GRIA3: variants seen among roughly 807,000 people sequenced by gnomAD.
GRIA3 encodes glutamate receptor 3.
In GRIA3, 3 loss-of-function variants were observed where a neutral mutation model predicts 63.0. That is an observed-to-expected ratio of 0.05 (90% CI 0.02 to 0.12). The LOEUF (loss-of-function observed/expected upper bound fraction) is 0.12. GRIA3 is among the 10% of genes least tolerant of loss of function. GRIA3 has a pLI of 1.00. For synonymous variants in GRIA3, 274 were observed against 257.9 expected, an observed-to-expected ratio of 1.06 and a Z score of -0.60; for missense variants, 347 against 700.9, an observed-to-expected ratio of 0.50 and a Z score of 5.70.
intron 2 of GRIA3, among the ~76,000 whole-genome samples, chrX:123,249,182 T>C (rs1294788939): frequency 8.9e-6 from 1 of 112,355 alleles, no homozygotes; most frequent in Non-Finnish European, 1.9e-5. Flanking sequence ...TGTCATAGTT[T>C]CTTTATGATA....
chrX:123,453,504 A>G (rs1369264317), intron 12 of GRIA3, among the ~76,000 whole-genome samples: 1 of 111,210 alleles, frequency 9.0e-6, no homozygotes, highest in African/African-American at 3.3e-5. Context: ...ACAAACCTGC[A>G]CGTTGTGCAC....
intron 2 of GRIA3, among the ~76,000 whole-genome samples, chrX:123,206,033 C>A (rs1411617118): frequency 9.0e-6 from 1 of 111,239 alleles, no homozygotes; most frequent in Non-Finnish European, 1.9e-5. Context: ...AGAAAGATAT[C>A]CACTATCTCA....
intron 6 of GRIA3, 89 bp downstream of exon 6, chrX:123,395,218 C>T (rs1451019584): frequency 2.4e-6 from 2 of 824,190 alleles, no homozygotes; most frequent in African/African-American, 4.0e-5. Context: ...ATCTTATGAT[C>T]AAGTGATTTT....
intron 4 of GRIA3, among the ~76,000 whole-genome samples, chrX:123,339,741 G>A (rs1603100770): frequency 8.9e-6 from 1 of 112,319 alleles, no homozygotes; most frequent in Non-Finnish European, 1.9e-5. Flanking sequence ...CAGCATGAAC[G>A]CTAGTAAGAA....
chrX:123,419,805 G>T (rs758714477), intron 11 of GRIA3, among the ~76,000 whole-genome samples: 3 of 111,382 alleles, frequency 2.7e-5, no homozygotes, highest in Non-Finnish European at 3.8e-5. Flanking sequence ...CTAGTCCTAG[G>T]CCTGCCAGGA....
At chrX:123,184,780 T>G (rs772720189) in intron 1 of GRIA3, 136 bp downstream of exon 1, 46 of 260,036 alleles carry the variant, frequency 1.8e-4, no homozygotes, top group African/African-American at 1.3e-3. Context: ...CGGGCAGAGA[T>G]GGTGCGGGGC....
intron 4 of GRIA3, among the ~76,000 whole-genome samples, chrX:123,333,210 T>C (rs1218289456): frequency 8.9e-6 from 1 of 111,841 alleles, no homozygotes. Flanking sequence ...CAATCTGAGG[T>C]CATGCCCCCA....
chrX:123,356,011 C>T (rs779491296), intron 5 of GRIA3, among the ~76,000 whole-genome samples: 1 of 111,781 alleles, frequency 8.9e-6, no homozygotes, highest in Non-Finnish European at 1.9e-5. Flanking sequence ...CTAAGTGGAG[C>T]ACTTAGTCCA....
intron 3 of GRIA3, among the ~76,000 whole-genome samples, chrX:123,294,051 C>CTAA (rs1336673249): frequency 2.9e-5 from 1 of 35,006 alleles, no homozygotes. Flanking sequence ...AGAGTCCTTG[C>CTAA]TAATAAAAAA....
chrX:123,446,973 T>A (rs2045706013), intron 12 of GRIA3, among the ~76,000 whole-genome samples: 1 of 112,568 alleles, frequency 8.9e-6, no homozygotes, highest in Non-Finnish European at 1.9e-5. Flanking sequence ...AGTTACTGTA[T>A]TTCTTTGGTA....
intron 2 of GRIA3, among the ~76,000 whole-genome samples, chrX:123,219,228 G>C (rs947355194): frequency 8.9e-6 from 1 of 112,423 alleles, no homozygotes; most frequent in Non-Finnish European, 1.9e-5. Context: ...CCCTAAGAAG[G>C]CTGTGTATTT....
At chrX:123,358,399 G>A (rs1047969626) in intron 5 of GRIA3, 1 of 112,087 alleles carries the variant, frequency 8.9e-6, no homozygotes, top group Non-Finnish European at 1.9e-5. Context: ...CATTTACATG[G>A]AACTTCCCCT....
At chrX:123,437,778 G>C (rs2045653599) in intron 12 of GRIA3, among the ~76,000 whole-genome samples, 1 of 111,576 alleles carries the variant, frequency 9.0e-6, no homozygotes, top group Non-Finnish European at 1.9e-5. Flanking sequence ...AATCACTTAT[G>C]AAATCTATAG....
chrX:123,486,668 A>G (rs2045943685), intron 15 of GRIA3, among the ~76,000 whole-genome samples: 1 of 112,075 alleles, frequency 8.9e-6, no homozygotes, highest in African/African-American at 3.2e-5. Flanking sequence ...TTAAGTGAAG[A>G]GTGAGATCTT....
chrX:123,352,323 G>A (rs1432345472), intron 4 of GRIA3, among the ~76,000 whole-genome samples: 3 of 112,031 alleles, frequency 2.7e-5, no homozygotes, highest in African/African-American at 9.7e-5. Flanking sequence ...CAGGTGATCC[G>A]CCTGCCTCGG....
At chrX:123,293,789 G>C (rs1345836862) in intron 3 of GRIA3, among the ~76,000 whole-genome samples, 1 of 110,525 alleles carries the variant, frequency 9.0e-6, no homozygotes, top group Non-Finnish European at 1.9e-5. Context: ...AGTCCTGTTG[G>C]AAGCACCTCA....
At chrX:123,246,926 C>T (rs915151419) in intron 2 of GRIA3, among the ~76,000 whole-genome samples, 3 of 108,214 alleles carry the variant, frequency 2.8e-5, no homozygotes, top group Non-Finnish European at 5.7e-5. Flanking sequence ...CCAACACACA[C>T]AATAAAACAC....
chrX:123,228,316 A>T (rs148073561), intron 2 of GRIA3, among the ~76,000 whole-genome samples: 1,954 of 111,335 alleles, frequency 0.018, 24 homozygotes, highest in Non-Finnish European at 0.027. Flanking sequence ...GAAAAGAGAA[A>T]AGACATTATA....
At chrX:123,469,065 C>A (rs962162520) in intron 13 of GRIA3, among the ~76,000 whole-genome samples, 8 of 112,592 alleles carry the variant, frequency 7.1e-5, no homozygotes, top group Admixed American at 9.4e-5. Flanking sequence ...GCTGTTCCAG[C>A]CCTCAGTACT....
Sources: gnomAD v4.1 joint callset for allele counts (sites outside exome capture counted in the v4.1 genomes callset) on GRCh38, gnomAD v4.1.1 for gene constraint, MANE v1.5 for transcripts, NCBI Gene and HGNC (gene_info 2026-07-23, HGNC 2026-07-21) for gene names.